PLD5: variants seen among roughly 807,000 people sequenced by gnomAD.
PLD5 encodes the protein phospholipase D family member 5.
Under a neutral mutation model 61.1 loss-of-function variants are expected in PLD5, and 36 were observed. The ratio of observed to expected loss-of-function variants is 0.59; its 90% confidence interval spans 0.45 to 0.78. The LOEUF is 0.78. PLD5 is among the 30% of genes least tolerant of loss of function. The pLI, the probability that PLD5 is intolerant of heterozygous loss-of-function variation, is 0.00. For synonymous variants in PLD5, 243 were observed against 242.8 expected, an observed-to-expected ratio of 1.00 and a Z score of -0.01; for missense variants, 515 against 644.4, an observed-to-expected ratio of 0.80 and a Z score of 2.17.
intron 2 of PLD5, among the ~76,000 whole-genome samples, chr1:242,330,454 C>T (rs913948267): frequency 3.3e-5 from 5 of 152,178 alleles, no homozygotes; most frequent in African/African-American, 1.2e-4. Context: ...CCTGCTCTGT[C>T]ATCCCCTAGA....
intron 2 of PLD5, among the ~76,000 whole-genome samples, chr1:242,298,956 G>A (rs556935128): frequency 2.6e-5 from 4 of 152,038 alleles, no homozygotes; most frequent in Admixed American, 2.0e-4. Flanking sequence ...AAAGGAGCAG[G>A]GACCTCATTA....
At chr1:242,312,641 C>G (rs1165733670) in intron 2 of PLD5, among the ~76,000 whole-genome samples, 1 of 152,170 alleles carries the variant, frequency 6.6e-6, no homozygotes, top group South Asian at 2.1e-4. Flanking sequence ...GCTGTCTGAG[C>G]TCCTAGTTAA....
At chr1:242,376,973 T>C in intron 1 of PLD5, 1 of 1,611,628 alleles carries the variant, frequency 6.2e-7, no homozygotes, top group Non-Finnish European at 8.5e-7. Flanking sequence ...CCATGCCGTG[T>C]ATCCGCATGT....
intron 2 of PLD5, among the ~76,000 whole-genome samples, chr1:242,336,777 G>T (rs1659536771): frequency 1.3e-5 from 2 of 152,012 alleles, no homozygotes; most frequent in African/African-American, 4.8e-5. Context: ...TAAAAGGCAA[G>T]GATGTAATGA....
chr1:242,524,429 G>A lies in PLD5; in HGVS notation c.-153C>T. On this transcript the variant is annotated 5_prime_UTR_variant, in exon 1 of 10. Transcript: ENST00000536534. The stretch of plus-strand genomic sequence containing the variant: ...CTGGAGGAGCGAGCGGGCGCGGGGA[G>A]CGCGGGGTGCTGAGCGCCAGCTGGG... The A allele has an allele frequency of 1.4e-6, 1 of 708,238 alleles. No individual in the cohort carries two copies. The highest frequency in any genetic ancestry group is 1.9e-6 in the Non-Finnish European group (1 of 513,328). 43.9% of individuals were successfully genotyped at this position (708,238 alleles called of 1,614,324 possible).
chr1:242,300,260 G>A (rs564969828), intron 2 of PLD5, among the ~76,000 whole-genome samples: 2 of 152,250 alleles, frequency 1.3e-5, no homozygotes, highest in Admixed American at 6.5e-5. Context: ...TCAACATGGT[G>A]AAACCCTGTC....
Position 242,113,929 on chromosome 1 carries a change from A to G in PLD5, c.1031T>C (p.Val344Ala). 6.2e-7 allele frequency: 1 copy of G among 1,613,720 alleles called. No homozygotes were observed. Among genetic ancestry groups the G allele is most frequent in the Non-Finnish European group, 8.5e-7 (1 of 1,179,808 alleles). Residue 344 changes from valine to alanine, a missense_variant, in exon 7 of 10, where the codon GTC becomes GCC. Val to Ala is a moderately conservative substitution (Grantham distance 64, BLOSUM62 0). Coordinates refer to ENST00000536534, the MANE Select transcript of PLD5 (RefSeq NM_001372062.1). ...GCTGGAGATAGGCAGGTAGTCCATG[A>G]CAGCGATGTACACATACTGCTTGGC... ...DDAKQYVYIA[V>A]MDYLPISSTS...
intron 9 of PLD5, 58 bp downstream of exon 9, chr1:242,100,610 T>C: frequency 7.8e-7 from 1 of 1,286,990 alleles, no homozygotes; most frequent in South Asian, 1.2e-5. Context: ...GGAGCACAGC[T>C]GGACTACCAC....
At chr1:242,323,252 T>A (rs1337213085) in intron 2 of PLD5, among the ~76,000 whole-genome samples, 1 of 152,168 alleles carries the variant, frequency 6.6e-6, no homozygotes, top group Non-Finnish European at 1.5e-5. Flanking sequence ...TATCATAAAA[T>A]TATGAGCTTT....
intron 1 of PLD5, among the ~76,000 whole-genome samples, chr1:242,428,002 A>C (rs1665524529): frequency 6.6e-6 from 1 of 152,196 alleles, no homozygotes; most frequent in African/African-American, 2.4e-5. Context: ...TGATTCCCTT[A>C]TGAGCTTAAG....
chr1:242,381,659 C>A (rs921784366), intron 1 of PLD5, among the ~76,000 whole-genome samples: 4 of 152,162 alleles, frequency 2.6e-5, no homozygotes, highest in Admixed American at 6.5e-5. Flanking sequence ...AAATTCTCTT[C>A]ACTGATAGTA....
At chr1:242,369,823 A>G (rs1204901153) in intron 1 of PLD5, among the ~76,000 whole-genome samples, 1 of 152,182 alleles carries the variant, frequency 6.6e-6, no homozygotes, top group African/African-American at 2.4e-5. Flanking sequence ...GCTGAGCACT[A>G]ACCACCACCA....
chr1:242,463,971 T>C (rs902422451), intron 1 of PLD5, among the ~76,000 whole-genome samples: 12 of 152,104 alleles, frequency 7.9e-5, no homozygotes, highest in African/African-American at 2.9e-4. Flanking sequence ...ACCGAGTACC[T>C]CCATTCCCCA....
At chr1:242,241,666 C>T (rs1574592015) in intron 4 of PLD5, among the ~76,000 whole-genome samples, 1 of 151,736 alleles carries the variant, frequency 6.6e-6, no homozygotes, top group Non-Finnish European at 1.5e-5. Context: ...GAAACTTCTA[C>T]AGGCCACTTG....
chr1:242,140,402 G>C (rs775795818), intron 5 of PLD5, among the ~76,000 whole-genome samples: 2 of 152,064 alleles, frequency 1.3e-5, no homozygotes, highest in Non-Finnish European at 2.9e-5. Context: ...CCAATACTTG[G>C]GGAGGCTGAG....
At chr1:242,474,161 G>A (rs1033130468) in intron 1 of PLD5, among the ~76,000 whole-genome samples, 1 of 152,192 alleles carries the variant, frequency 6.6e-6, no homozygotes, top group Non-Finnish European at 1.5e-5. Context: ...TAACTGCGGT[G>A]TTTGCCATTA....
At chr1:242,185,720 C>T (rs1667831197) in intron 5 of PLD5, among the ~76,000 whole-genome samples, 1 of 152,202 alleles carries the variant, frequency 6.6e-6, no homozygotes, top group Non-Finnish European at 1.5e-5. Flanking sequence ...TAACATCTTA[C>T]ACTGGCTACA....
chr1:242,206,693 G>A (rs769586338), intron 5 of PLD5, among the ~76,000 whole-genome samples: 1 of 152,196 alleles, frequency 6.6e-6, no homozygotes, highest in Non-Finnish European at 1.5e-5. Context: ...TTAAGTGGAA[G>A]TGGATCATCA....
intron 1 of PLD5, among the ~76,000 whole-genome samples, chr1:242,499,658 G>A (rs61839836): frequency 0.1 from 15,293 of 152,128 alleles, 987 homozygotes; most frequent in Admixed American, 0.18. Context: ...GATGAACTAC[G>A]AAGGCTTATG....
Sources: allele counts gnomAD v4.1 joint callset (sites outside exome capture counted in the v4.1 genomes callset), GRCh38; gene constraint gnomAD v4.1.1; transcripts MANE v1.5; gene names NCBI Gene and HGNC (gene_info 2026-07-23, HGNC 2026-07-21).